The following SGCZ variants were observed in gnomAD, a reference collection of about 807,000 sequenced individuals.
The protein encoded by SGCZ is sarcoglycan zeta.
In SGCZ, 40 loss-of-function variants were observed where a neutral mutation model predicts 41.3. That is an observed-to-expected ratio of 0.97 (90% CI 0.75 to 1.26). The LOEUF (loss-of-function observed/expected upper bound fraction) is 1.26, where lower values mean the gene tolerates loss of function less well. Among genes scored for constraint, SGCZ ranks in the 50% most tolerant of loss-of-function variants. The pLI is 0.00. For synonymous variants in SGCZ, 206 were observed against 137.5 expected (o/e 1.50, Z -3.49); for missense variants, 552 against 369.8 (o/e 1.49, Z -4.04).
chr8:14,572,943 T>C (rs1322300597), intron 1 of SGCZ, among the ~76,000 whole-genome samples: 1 of 152,218 alleles, frequency 6.6e-6, no homozygotes, highest in Non-Finnish European at 1.5e-5. Flanking sequence ...TACCTATACA[T>C]GCAAAGCATT....
At chr8:15,185,825 G>A (rs558837793) in intron 1 of SGCZ, among the ~76,000 whole-genome samples, 1 of 152,150 alleles carries the variant, frequency 6.6e-6, no homozygotes, top group Non-Finnish European at 1.5e-5. Context: ...CTATAACTTT[G>A]TATGTAAAAT....
chr8:14,157,752 A>C (rs970045136), intron 5 of SGCZ, among the ~76,000 whole-genome samples: 2 of 152,200 alleles, frequency 1.3e-5, no homozygotes, highest in Non-Finnish European at 2.9e-5. Flanking sequence ...GAGGGATAGA[A>C]GAAGGTGGGT....
chr8:14,119,356 C>G (rs1802621862), intron 5 of SGCZ, among the ~76,000 whole-genome samples: 1 of 150,382 alleles, frequency 6.6e-6, no homozygotes, highest in South Asian at 2.1e-4. Flanking sequence ...TGATTTGGCT[C>G]TCTGTTTGTC....
chr8:14,920,945 T>A (rs1297119024), intron 1 of SGCZ, among the ~76,000 whole-genome samples: 1 of 152,230 alleles, frequency 6.6e-6, no homozygotes, highest in East Asian at 1.9e-4. Context: ...GCTTCTACGC[T>A]CAGAACATTG....
intron 1 of SGCZ, among the ~76,000 whole-genome samples, chr8:14,876,648 T>C (rs1397090332): frequency 6.6e-6 from 1 of 152,174 alleles, no homozygotes; most frequent in Non-Finnish European, 1.5e-5. Context: ...TTAAAGTAAC[T>C]TTTTTAAATG....
Position 14,762,324 on chromosome 8 carries a change from A to G in SGCZ, c.40-207398T>C, listed in dbSNP as rs187838947. On this transcript the variant is annotated intron_variant, in intron 1 of 7. Coordinates refer to ENST00000382080, the MANE Select transcript of SGCZ (RefSeq NM_139167.4). ...ACAGAGTAGTCCATTACAAAATGAG[A>G]CAGAAAGGACATAGGATCACATCCT... is the stretch of plus-strand genomic sequence containing the variant. Among the ~76,000 whole-genome samples, 3 of 152,270 alleles carry G rather than the reference A, an allele frequency of 2.0e-5. No homozygotes were observed. The East Asian group carries it at 5.8e-4, about 29-fold the overall frequency.
intron 1 of SGCZ, among the ~76,000 whole-genome samples, chr8:15,170,909 G>T (rs1799810246): frequency 6.6e-6 from 1 of 152,112 alleles, no homozygotes; most frequent in Non-Finnish European, 1.5e-5. Context: ...GTAATCCAGT[G>T]AAATGTTTTG....
chr8:14,282,830 T>A (rs763467847), intron 3 of SGCZ, among the ~76,000 whole-genome samples: 40 of 139,056 alleles, frequency 2.9e-4, no homozygotes, highest in Admixed American at 4.8e-4. Flanking sequence ...ATCATTATAA[T>A]CATTCTCTTT....
intron 1 of SGCZ, among the ~76,000 whole-genome samples, chr8:14,600,466 C>G (rs1200834390): frequency 6.6e-6 from 1 of 152,150 alleles, no homozygotes; most frequent in South Asian, 2.1e-4. Flanking sequence ...GGACTGGAAT[C>G]TTTACCCTGA....
intron 1 of SGCZ, among the ~76,000 whole-genome samples, chr8:14,859,486 G>T (rs1043222867): frequency 6.6e-6 from 1 of 152,060 alleles, no homozygotes; most frequent in African/African-American, 2.4e-5. Context: ...GGGACACATT[G>T]GACTCTTCTT....
chr8:15,196,472 AG>A lies in SGCZ; in HGVS notation c.39+41112del, dbSNP rs1296823567. On this transcript the variant is annotated intron_variant, in intron 1 of 7. Transcript: ENST00000382080. ...AAATGTTATCATCCTGCAAGTGAAA[AG>A]AATATGATAACATAGCATCATTTAT... Among the ~76,000 whole-genome samples, 9 of 152,316 alleles carry A rather than the reference AG, an allele frequency of 5.9e-5. No homozygotes were observed. The South Asian group carries it at 1.0e-3, about 18-fold the overall frequency.
intron 1 of SGCZ, among the ~76,000 whole-genome samples, chr8:14,889,252 T>A (rs1804921293): frequency 6.6e-6 from 1 of 151,980 alleles, no homozygotes; most frequent in South Asian, 2.1e-4. Flanking sequence ...CCCTCTCAGC[T>A]TTCTTTCTTC....
intron 1 of SGCZ, among the ~76,000 whole-genome samples, chr8:15,099,799 T>C (rs974876721): frequency 2.0e-5 from 3 of 152,084 alleles, no homozygotes; most frequent in African/African-American, 7.2e-5. Context: ...GGTTCAACAT[T>C]GAAAAATAAA....
intron 1 of SGCZ, among the ~76,000 whole-genome samples, chr8:15,206,002 G>T (rs549957149): frequency 6.6e-6 from 1 of 152,192 alleles, no homozygotes; most frequent in East Asian, 1.9e-4. Context: ...ACCAAATATT[G>T]CATGTTCTTA....
At chr8:15,061,065 C>A (rs1048421291) in intron 1 of SGCZ, among the ~76,000 whole-genome samples, 2 of 151,856 alleles carry the variant, frequency 1.3e-5, no homozygotes, top group Non-Finnish European at 2.9e-5. Flanking sequence ...AATCGTTGTT[C>A]CCTAGTTCTT....
intron 1 of SGCZ, among the ~76,000 whole-genome samples, chr8:15,053,621 A>G (rs1229511491): frequency 1.3e-5 from 2 of 152,178 alleles, no homozygotes; most frequent in African/African-American, 2.4e-5. Context: ...ATCATAAAAA[A>G]GAAAGTCGGA....
chr8:14,957,782 T>C (rs1376910144), intron 1 of SGCZ, among the ~76,000 whole-genome samples: 1 of 152,062 alleles, frequency 6.6e-6, no homozygotes, highest in Non-Finnish European at 1.5e-5. Flanking sequence ...TTTCTTCTCA[T>C]GGTGGATGCT....
intron 1 of SGCZ, among the ~76,000 whole-genome samples, chr8:14,885,402 G>A (rs556953395): frequency 1.3e-5 from 2 of 152,228 alleles, no homozygotes; most frequent in South Asian, 4.1e-4. Flanking sequence ...TCTTGAGTGT[G>A]AATTTTGAGT....
chr8:14,551,716 G>C (rs776470510), intron 2 of SGCZ, among the ~76,000 whole-genome samples: 6 of 89,024 alleles, frequency 6.7e-5, no homozygotes, highest in Non-Finnish European at 2.3e-5. Flanking sequence ...TCTATCCTAA[G>C]TCTTTCATCC....
Sources: allele counts gnomAD v4.1 joint callset (sites outside exome capture counted in the v4.1 genomes callset), GRCh38; gene constraint gnomAD v4.1.1; transcripts MANE v1.5; gene names NCBI Gene and HGNC (gene_info 2026-07-23, HGNC 2026-07-21).